Variants in DNM1 observed in about 807,000 individuals in gnomAD.
The protein encoded by DNM1 is dynamin-1.
A neutral mutation model predicts 104.6 loss-of-function variants in DNM1; 29 were observed. That is an observed-to-expected ratio of 0.28 (90% CI 0.21 to 0.38). The LOEUF (loss-of-function observed/expected upper bound fraction) is 0.38, where lower values mean the gene tolerates loss of function less well. Ranked by LOEUF, DNM1 falls within the 10% of genes least tolerant of loss-of-function variation. DNM1 has a pLI of 1.00. For synonymous variants in DNM1, 445 were observed against 475.8 expected, an observed-to-expected ratio of 0.94 and a Z score of 0.84; for missense variants, 640 against 1,189.4, an observed-to-expected ratio of 0.54 and a Z score of 6.79.
Position 128,234,126 on chromosome 9 carries a change from G to T in DNM1, c.1422+19G>T, listed in dbSNP as rs1440002003. The T allele has an allele frequency of 1.4e-5, 21 of 1,512,622 alleles. No homozygotes were observed. Among genetic ancestry groups the T allele is most frequent in the Non-Finnish European group, 1.8e-5 (20 of 1,125,718 alleles). The allele number at this position is 1,512,622 out of a possible 1,614,324, so 93.7% of individuals were successfully genotyped here. A position where few individuals can be genotyped will look rare whatever the true frequency, so the allele number is the denominator to read the frequency against. ...GGAGCAGGTGAGCCCCGCAGCACCC[G>T]GCCTGGCCGCGCCTTCCTTCCACTC... On this transcript the variant is annotated intron_variant, in intron 11 of 21. Coordinates refer to ENST00000372923, the MANE Select transcript of DNM1 (RefSeq NM_004408.4).
intron 21 of DNM1, chr9:128,252,524 C>T (rs900213372): frequency 1.3e-5 from 5 of 390,844 alleles, no homozygotes; most frequent in Non-Finnish European, 2.5e-5. Context: ...TGGGCTGCAA[C>T]GAGGACAGCC....
At position 128,254,675 on chromosome 9, in the gene DNM1, A is replaced by G; in HGVS notation, c.2556A>G (p.Pro852=). The G allele has an allele frequency of 1.9e-6, 3 of 1,595,660 alleles. No homozygotes were observed. Among genetic ancestry groups the G allele is most frequent in the Non-Finnish European group, 2.5e-6 (3 of 1,179,518 alleles). The change falls in exon 22 of 22, where the codon CCA becomes CCG. Residue 852 remains proline, a synonymous_variant. Transcript: ENST00000372923. The surrounding 1 kb of genome is among the most constrained non-coding windows in gnomAD (Gnocchi z 6.1). ...CCAGCCGATCGGGTCAGGCAAGTCC[A>G]TCCCGTCCTGAGAGCCCCAGGCCCC... ...GVPSRSGQAS[P]SRPESPRPPF... is the part of the protein sequence containing the mutation.
intron 21 of DNM1, chr9:128,252,923 G>A (rs1025057004): frequency 2.6e-5 from 18 of 701,310 alleles, no homozygotes; most frequent in African/African-American, 1.0e-4. Flanking sequence ...GGGAGGTGGC[G>A]GGGAAGGAGG....
chr9:128,229,270 C>T (rs1400518421), intron 10 of DNM1, among the ~76,000 whole-genome samples: 1 of 150,986 alleles, frequency 6.6e-6, no homozygotes, highest in East Asian at 2.0e-4. Flanking sequence ...CAGTATGCAC[C>T]TGCAGTCCTT....
intron 1 of DNM1, among the ~76,000 whole-genome samples, chr9:128,215,699 C>G (rs1446637473): frequency 6.6e-6 from 1 of 152,218 alleles, no homozygotes; most frequent in African/African-American, 2.4e-5. Context: ...CTCACCAGGG[C>G]TGCGTGGGCC....
chr9:128,252,396 GCTT>G (rs1276984625), intron 21 of DNM1: 2 of 396,896 alleles, frequency 5.0e-6, no homozygotes, highest in African/African-American at 4.2e-5. Flanking sequence ...GTCTGGGAGA[GCTT>G]CTTCAAGGCA....
At position 128,218,906 on chromosome 9, in the gene DNM1, C is replaced by T. The variant is rs1834775271; in HGVS notation, c.386-143C>T. On this transcript the variant is annotated intron_variant, in intron 3 of 21. Coordinates refer to ENST00000372923, the MANE Select transcript of DNM1 (RefSeq NM_004408.4). The surrounding 1 kb of genome is among the most constrained non-coding windows in gnomAD (Gnocchi z 4.8). ...CACTTCCGGCCACGCCTCCAACAGACTGCCACTTTCGCCCTGAGATTTCCT... is the reference window on the plus strand; with the variant it reads ...CACTTCCGGCCACGCCTCCAACAGATTGCCACTTTCGCCCTGAGATTTCCT... 11 of 1,280,996 alleles carry T rather than the reference C, an allele frequency of 8.6e-6. 1 individual carries two copies. Among genetic ancestry groups the T allele is most frequent in the Non-Finnish European group, 1.2e-5 (11 of 934,426 alleles). 79.4% of individuals were successfully genotyped at this position (1,280,996 alleles called of 1,614,324 possible).
intron 10 of DNM1, among the ~76,000 whole-genome samples, chr9:128,227,968 C>T (rs1387348965): frequency 6.6e-6 from 1 of 152,176 alleles, no homozygotes; most frequent in African/African-American, 2.4e-5. Context: ...CCCGCCTCAG[C>T]CTCCCAAGTA....
intron 1 of DNM1, among the ~76,000 whole-genome samples, chr9:128,208,893 G>A (rs1262211547): frequency 1.3e-5 from 2 of 152,200 alleles, no homozygotes; most frequent in Non-Finnish European, 2.9e-5. Flanking sequence ...TCAAGCCAAG[G>A]TGTGGACTTC....
intron 1 of DNM1, among the ~76,000 whole-genome samples, chr9:128,209,196 G>C (rs1311243721): frequency 6.6e-6 from 1 of 152,194 alleles, no homozygotes; most frequent in Non-Finnish European, 1.5e-5. Context: ...CACACCCCTG[G>C]GGCTGGAAAC....
intron 1 of DNM1, among the ~76,000 whole-genome samples, chr9:128,211,561 G>A (rs914577243): frequency 2.1e-5 from 3 of 143,634 alleles, no homozygotes; most frequent in Non-Finnish European, 4.5e-5. Context: ...CTCAAGCCAG[G>A]TCTCAAACTC....
intron 10 of DNM1, chr9:128,226,303 CCA>C: frequency 7.2e-7 from 1 of 1,396,064 alleles, no homozygotes; most frequent in Non-Finnish European, 9.6e-7. Context: ...GTGTTTCCTG[CCA>C]GTTTCTAACC....
At chr9:128,217,154 G>A (rs1301967824) in intron 1 of DNM1, among the ~76,000 whole-genome samples, 1 of 152,210 alleles carries the variant, frequency 6.6e-6, no homozygotes, top group Non-Finnish European at 1.5e-5. Context: ...GGATGACTTT[G>A]GGACCTCTCA....
chr9:128,247,318 C>A lies in DNM1; in HGVS notation c.1782-57C>A. On this transcript the variant is annotated intron_variant, in intron 16 of 21. Coordinates refer to ENST00000372923, the MANE Select transcript of DNM1 (RefSeq NM_004408.4). This position sits in a 1 kb window ranked among gnomAD's most constrained non-coding sequence, Gnocchi z 5.1. ...CCCCAAAGTCTGGGCATGCCCTTAACCCCCAGGGAGGGTCAGACTTTGCCC... is the reference window on the plus strand; with the variant it reads ...CCCCAAAGTCTGGGCATGCCCTTAAACCCCAGGGAGGGTCAGACTTTGCCC... 1 of 1,287,092 alleles carries A rather than the reference C, an allele frequency of 7.8e-7. No homozygotes were observed. The highest frequency in any genetic ancestry group is 1.1e-6 in the Non-Finnish European group (1 of 904,844). 79.7% of individuals were successfully genotyped at this position (1,287,092 alleles called of 1,614,324 possible).
At chr9:128,205,755 A>G (rs1588307272) in intron 1 of DNM1, among the ~76,000 whole-genome samples, 1 of 152,024 alleles carries the variant, frequency 6.6e-6, no homozygotes, top group Non-Finnish European at 1.5e-5. Context: ...AGGCTTGGGG[A>G]CCTGCATGCC....
intron 10 of DNM1, among the ~76,000 whole-genome samples, chr9:128,227,652 G>T (rs1835427919): frequency 6.6e-6 from 1 of 152,134 alleles, no homozygotes; most frequent in Admixed American, 6.5e-5. Flanking sequence ...AAAGTGCTGG[G>T]ATTACAGGTG....
At chr9:128,206,925 G>T (rs1039442227) in intron 1 of DNM1, among the ~76,000 whole-genome samples, 1 of 152,076 alleles carries the variant, frequency 6.6e-6, no homozygotes, top group South Asian at 2.1e-4. Flanking sequence ...GAGACTGGTG[G>T]GGAGGCTGCT....
In DNM1 at chr9:128,239,567, C is replaced by CGTGTGTGTGT. The variant is rs34036148; in HGVS notation, c.1493+93_1493+102dup. On this transcript the variant is annotated intron_variant, in intron 12 of 21. Transcript: ENST00000372923. The stretch of plus-strand genomic sequence containing the variant: ...AGTGCTCCCTGGGCAGAGAAGGTAA[C>CGTGTGTGTGT]GTGTGTGTGTGTGTGTGTGTGTGTG... 489 of 882,390 alleles carry CGTGTGTGTGT rather than the reference C, an allele frequency of 5.5e-4. 3 individuals carry two copies. In the African/African-American group the frequency reaches 6.1e-3, roughly 11 times the overall value. 54.7% of individuals were successfully genotyped at this position (882,390 alleles called of 1,614,324 possible). A position where few individuals can be genotyped will look rare whatever the true frequency, so the allele number is the denominator to read the frequency against.
In DNM1 at chr9:128,245,205, C is replaced by T. The variant is rs1490685176; in HGVS notation, c.1672-1189C>T. Among the ~76,000 whole-genome samples, 1 of 152,140 alleles carries T rather than the reference C, an allele frequency of 6.6e-6. No individual in the cohort carries two copies. The highest frequency in any genetic ancestry group is 6.5e-5 in the Admixed American group (1 of 15,280). ...CTCCTCCCCCAGCCGCCCTCTGGGGCTCCCGGCCACCCGCCTGGCATAAAG... is the reference window on the plus strand; with the variant it reads ...CTCCTCCCCCAGCCGCCCTCTGGGGTTCCCGGCCACCCGCCTGGCATAAAG... On this transcript the variant is annotated intron_variant, in intron 15 of 21. Transcript: ENST00000372923. This position sits in a 1 kb window ranked among gnomAD's most constrained non-coding sequence, Gnocchi z 5.2.
Sources: allele counts gnomAD v4.1 joint callset (sites outside exome capture counted in the v4.1 genomes callset), GRCh38; gene constraint gnomAD v4.1.1; non-coding constraint Gnocchi (gnomAD v3.1); transcripts MANE v1.5; gene names NCBI Gene and HGNC (gene_info 2026-07-23, HGNC 2026-07-21).